BICRAL: variants seen among roughly 807,000 people sequenced by gnomAD.
BICRAL encodes the protein BICRA like chromatin remodeling complex associated protein.
Under a neutral mutation model 91.8 loss-of-function variants are expected in BICRAL, and 8 were observed. That is an observed-to-expected ratio of 0.09 (90% CI 0.05 to 0.16). BICRAL has a LOEUF of 0.16. Among genes scored for constraint, BICRAL ranks in the 10% least tolerant of loss-of-function variants. BICRAL has a pLI of 1.00. For missense variants in BICRAL, 1,038 were observed against 1,310.9 expected, an observed-to-expected ratio of 0.79 and a Z score of 3.21; for synonymous variants, 445 against 491.1, an observed-to-expected ratio of 0.91 and a Z score of 1.24.
chr6:42,760,015 C>T (rs1488488178), intron 1 of BICRAL, among the ~76,000 whole-genome samples: 5 of 152,154 alleles, frequency 3.3e-5, no homozygotes, highest in Admixed American at 6.5e-5. Flanking sequence ...GAGGCCGGGG[C>T]GGGTGGATCA....
In BICRAL at chr6:42,829,213, C is replaced by T. The variant is rs754524134; in HGVS notation, c.880C>T (p.His294Tyr). The change falls in exon 6 of 13, where the codon CAT becomes TAT. Residue 294 changes from histidine (H) to tyrosine (Y), a missense_variant. Around this residue, in one of 5 missense-constraint regions of BICRAL, gnomAD observed 532 missense variants for 724.9 expected, o/e 0.73. Transcript: ENST00000314073. ...AAATTTTCAAACATCTTTACCTGTG[C>T]ATAACATCATCATACAAAGGGGTCT... ...STNFQTSLPV[H>Y]NIIIQRGLAP... The T allele has an allele frequency of 6.2e-7, 1 of 1,614,116 alleles. No homozygotes were observed. The highest frequency in any genetic ancestry group is 1.1e-5 in the South Asian group (1 of 91,088).
chr6:42,781,804 A>G (rs1479277307), upstream of BICRAL: 1 of 149,986 alleles, frequency 6.7e-6, no homozygotes, highest in African/African-American at 2.4e-5. Context: ...AATTTTTTAA[A>G]TTAAAAAAAT....
intron 6 of BICRAL, among the ~76,000 whole-genome samples, chr6:42,846,896 A>AT (rs1222112752): frequency 6.6e-6 from 1 of 152,212 alleles, no homozygotes; most frequent in Non-Finnish European, 1.5e-5. Flanking sequence ...TTTCAAAAAC[A>AT]TGTTGAAAAG....
At chr6:42,771,487 G>T (rs956400390) in intron 1 of BICRAL, among the ~76,000 whole-genome samples, 4 of 151,816 alleles carry the variant, frequency 2.6e-5, no homozygotes, top group Non-Finnish European at 4.4e-5. Context: ...CCCCTGTGGG[G>T]GTGGCGGGGG....
chr6:42,825,992 G>C (rs1764289428), intron 5 of BICRAL, among the ~76,000 whole-genome samples: 1 of 151,156 alleles, frequency 6.6e-6, no homozygotes, highest in Non-Finnish European at 1.5e-5. Context: ...CTGAGGCAGG[G>C]AGAATTGCTT....
chr6:42,815,380 C>A (rs865993315), intron 2 of BICRAL, among the ~76,000 whole-genome samples: 4 of 151,600 alleles, frequency 2.6e-5, no homozygotes, highest in Admixed American at 6.6e-5. Flanking sequence ...TCAGTAAAGA[C>A]AGGGTTTCAC....
At chr6:42,817,174 A>C (rs112087966) in intron 2 of BICRAL, among the ~76,000 whole-genome samples, 202 of 148,116 alleles carry the variant, frequency 1.4e-3, no homozygotes, top group African/African-American at 4.6e-3. Context: ...GTGTGTGTGT[A>C]TATATGTGTG....
chr6:42,791,258 TTAATC>T lies in BICRAL; in HGVS notation c.-102+9160_-102+9164del, dbSNP rs1763265066. On this transcript the variant is annotated intron_variant, in intron 1 of 12. Transcript: ENST00000314073. ...AGGTTCTCCTTAATCCCAATCAACT[TTAATC>T]TATAAAGTTACGATTTGTTTACTTA... Among the ~76,000 whole-genome samples the T allele has an allele frequency of 2.0e-5, 3 of 152,310 alleles. 1 individual carries two copies.
At chr6:42,811,547 G>T (rs566059701) in intron 2 of BICRAL, among the ~76,000 whole-genome samples, 4 of 152,150 alleles carry the variant, frequency 2.6e-5, no homozygotes, top group Admixed American at 1.3e-4. Flanking sequence ...CTTGAACCTG[G>T]GAGGCGGAGG....
intron 1 of BICRAL, among the ~76,000 whole-genome samples, chr6:42,761,213 G>C (rs1762542076): frequency 6.6e-6 from 1 of 152,186 alleles, no homozygotes; most frequent in African/African-American, 2.4e-5. Context: ...CCAGCAGTTT[G>C]GGAGGCTGAG....
upstream of BICRAL, among the ~76,000 whole-genome samples, chr6:42,746,437 C>T (rs1762275557): frequency 6.6e-6 from 1 of 152,054 alleles, no homozygotes. Context: ...AGGCCTCCCC[C>T]TCCCCCCAGC....
intron 1 of BICRAL, among the ~76,000 whole-genome samples, chr6:42,782,381 T>G (rs1449821872): frequency 7.6e-4 from 62 of 81,402 alleles, no homozygotes; most frequent in South Asian, 1.9e-3. Flanking sequence ...ATGGTGGTGG[T>G]GGGTGGATGT....
At chr6:42,750,869 C>T (rs1225178229) in intron 1 of BICRAL, among the ~76,000 whole-genome samples, 5 of 143,482 alleles carry the variant, frequency 3.5e-5, no homozygotes, top group Admixed American at 7.1e-5. Context: ...TGAGCCACCG[C>T]GCCCGGCCTT....
At chr6:42,853,533 C>T (rs1285636278) in intron 7 of BICRAL, 105 bp from the exon 8 acceptor site, 10 of 765,472 alleles carry the variant, frequency 1.3e-5, no homozygotes, top group Admixed American at 8.8e-5. Context: ...TAAAGAAACC[C>T]GTTTCAGAAT....
intron 10 of BICRAL, 128 bp from the exon 11 acceptor site, chr6:42,860,134 A>C: frequency 1.6e-6 from 1 of 624,362 alleles, no homozygotes; most frequent in East Asian, 2.7e-5. Flanking sequence ...TCATCTAAGA[A>C]GAGAAAATTG....
At chr6:42,810,204 GAAT>G (rs2113915742) in intron 1 of BICRAL, 99 bp from the exon 2 acceptor site, 1 of 152,298 alleles carries the variant, frequency 6.6e-6, no homozygotes, top group African/African-American at 2.4e-5. Flanking sequence ...ATCCTTGGTT[GAAT>G]AATAACTAAA....
At chr6:42,801,589 T>C (rs1294796639) in intron 1 of BICRAL, among the ~76,000 whole-genome samples, 1 of 152,022 alleles carries the variant, frequency 6.6e-6, no homozygotes, top group African/African-American at 2.4e-5. Flanking sequence ...ATTTAAAATG[T>C]TCTCTAAAAT....
At chr6:42,826,196 C>G (rs1417980323) in intron 5 of BICRAL, among the ~76,000 whole-genome samples, 5 of 150,720 alleles carry the variant, frequency 3.3e-5, no homozygotes, top group Non-Finnish European at 7.4e-5. Flanking sequence ...AGCTAGGATT[C>G]TAACCCAGGC....
intron 1 of BICRAL, among the ~76,000 whole-genome samples, chr6:42,802,893 A>G (rs748444545): frequency 1.3e-4 from 20 of 152,134 alleles, no homozygotes; most frequent in Non-Finnish European, 2.1e-4. Context: ...TCATTTCTCA[A>G]TCATTTCCTG....
Sources: allele counts gnomAD v4.1 joint callset (sites outside exome capture counted in the v4.1 genomes callset), GRCh38; gene constraint gnomAD v4.1.1; regional missense constraint gnomAD v4.1.1; transcripts MANE v1.5; gene names NCBI Gene and HGNC (gene_info 2026-07-23, HGNC 2026-07-21).